The following CMSS1 variants were observed in gnomAD, a reference collection of about 807,000 sequenced individuals.
CMSS1 encodes the protein protein CMSS1.
In CMSS1, 33 loss-of-function variants were observed where a neutral mutation model predicts 43.5. The observed-to-expected ratio is 0.76, with a 90% CI of 0.57 to 1.01. CMSS1 has a LOEUF of 1.01. Among genes scored for constraint, CMSS1 ranks in the 50% least tolerant of loss-of-function variants. The pLI is 0.00. For missense variants in CMSS1, 313 were observed against 326.4 expected (o/e 0.96, Z 0.32); for synonymous variants, 115 against 117.2 (o/e 0.98, Z 0.12).
intron 1 of CMSS1, among the ~76,000 whole-genome samples, chr3:100,105,390 C>T (rs1184366307): frequency 1.3e-5 from 2 of 152,116 alleles, no homozygotes; most frequent in African/African-American, 4.8e-5. Flanking sequence ...CAGTTTGGCT[C>T]CCTGGAAGGC....
chr3:99,897,578 A>G (rs1236608548), intron 1 of CMSS1, among the ~76,000 whole-genome samples: 1 of 152,198 alleles, frequency 6.6e-6, no homozygotes, highest in African/African-American at 2.4e-5. Context: ...TATTATTGCC[A>G]AGACAATGGG....
chr3:100,041,590 AAAAAAT>A (rs1230357702), intron 1 of CMSS1, among the ~76,000 whole-genome samples: 3 of 152,210 alleles, frequency 2.0e-5, no homozygotes, highest in African/African-American at 4.8e-5. Context: ...AAGGCTACAA[AAAAAAT>A]AAAAATAAAA....
At chr3:100,108,885 T>C (rs1393306651) in intron 1 of CMSS1, among the ~76,000 whole-genome samples, 1 of 152,114 alleles carries the variant, frequency 6.6e-6, no homozygotes, top group East Asian at 1.9e-4. Flanking sequence ...AATCAGATCA[T>C]ATTCCCTTGT....
Position 99,818,048 on chromosome 3 carries a change from C to T in CMSS1, c.64+5C>T. On this transcript the variant is annotated splice_donor_5th_base_variant and intron_variant, in intron 1 of 9. Transcript: ENST00000421999. ...CTGGAGCAGGCAGCAGCCCAGGTAC[C>T]CACTCTGTGCCCGCGCTCCTACGGG... The T allele has an allele frequency of 6.2e-7, 1 of 1,613,262 alleles. No homozygotes were observed. Among genetic ancestry groups the T allele is most frequent in the Non-Finnish European group, 8.5e-7 (1 of 1,179,736 alleles).
At chr3:100,037,939 C>CTT (rs150366639) in intron 1 of CMSS1, among the ~76,000 whole-genome samples, 2,949 of 118,076 alleles carry the variant, frequency 0.025, 86 homozygotes, top group South Asian at 0.049. Context: ...AATCGCTTTT[C>CTT]TTTTTTTTTT....
chr3:99,970,991 C>T (rs1708797101), intron 1 of CMSS1, among the ~76,000 whole-genome samples: 1 of 152,156 alleles, frequency 6.6e-6, no homozygotes, highest in East Asian at 1.9e-4. Context: ...AGAGGAGGGG[C>T]TGTATTCACA....
intron 1 of CMSS1, among the ~76,000 whole-genome samples, chr3:99,983,466 A>ATGTG (rs1276688981): frequency 0.072 from 424 of 5,918 alleles, 18 homozygotes; most frequent in Middle Eastern, 0.12. Context: ...ATATGTGTGT[A>ATGTG]TATATATATA....
intron 1 of CMSS1, chr3:99,848,483 G>A: frequency 6.2e-7 from 1 of 1,614,168 alleles, no homozygotes; most frequent in Non-Finnish European, 8.5e-7. Flanking sequence ...CTTCCTAAGT[G>A]AATGTGGATT....
intron 2 of CMSS1, among the ~76,000 whole-genome samples, chr3:100,154,471 T>A (rs1027113269): frequency 6.6e-5 from 10 of 152,208 alleles, no homozygotes; most frequent in Admixed American, 4.6e-4. Context: ...TTGGTTGCTG[T>A]ACATCCTTGT....
In CMSS1 at chr3:100,160,395, A is replaced by G. The variant is rs2107525850; in HGVS notation, c.154-35A>G. 6 of 1,113,374 alleles carry G rather than the reference A, an allele frequency of 5.4e-6. No homozygotes were observed. The South Asian group carries it at 7.9e-5, about 15-fold the overall frequency. The allele number at this position is 1,113,374 out of a possible 1,614,324, so 69.0% of individuals were successfully genotyped here. On this transcript the variant is annotated intron_variant, in intron 2 of 9. Transcript: ENST00000421999. ...CCACTAATTGACACTTTATCATGAAAAGATTAAAATGTTCTCATTTGTATT... is the reference window on the plus strand; with the variant it reads ...CCACTAATTGACACTTTATCATGAAGAGATTAAAATGTTCTCATTTGTATT...
chr3:99,985,696 C>T (rs1469747039), intron 1 of CMSS1, among the ~76,000 whole-genome samples: 1 of 151,722 alleles, frequency 6.6e-6, no homozygotes, highest in African/African-American at 2.4e-5. Flanking sequence ...TCAAGCAATT[C>T]TCCTGCCTCA....
chr3:99,849,975 T>A (rs1943582171), intron 1 of CMSS1: 1 of 1,612,582 alleles, frequency 6.2e-7, no homozygotes, highest in Non-Finnish European at 8.5e-7. Flanking sequence ...ATTTGTTTTT[T>A]AAATCATCTC....
At chr3:99,916,584 A>G (rs1363371361) in intron 1 of CMSS1, among the ~76,000 whole-genome samples, 1 of 152,144 alleles carries the variant, frequency 6.6e-6, no homozygotes, top group African/African-American at 2.4e-5. Context: ...TGTGCATTAT[A>G]TAATTAGTAA....
At chr3:99,847,760 C>T (rs960359780) in intron 1 of CMSS1, among the ~76,000 whole-genome samples, 1 of 152,050 alleles carries the variant, frequency 6.6e-6, no homozygotes, top group African/African-American at 2.4e-5. Flanking sequence ...TTTATTTGAA[C>T]CACTTTTCTC....
At chr3:99,907,175 C>G (rs1422874443) in intron 1 of CMSS1, among the ~76,000 whole-genome samples, 2 of 152,148 alleles carry the variant, frequency 1.3e-5, no homozygotes, top group South Asian at 2.1e-4. Flanking sequence ...ACTCTTAATA[C>G]TTTGTCACGT....
chr3:99,877,517 CTAAAG>C (rs982585355), intron 1 of CMSS1, among the ~76,000 whole-genome samples: 1 of 152,098 alleles, frequency 6.6e-6, no homozygotes, highest in Non-Finnish European at 1.5e-5. Context: ...ACTGAGAAAC[CTAAAG>C]TAAACTCACT....
intron 1 of CMSS1, among the ~76,000 whole-genome samples, chr3:99,853,080 A>G (rs1430327236): frequency 2.6e-5 from 4 of 152,156 alleles, no homozygotes; most frequent in African/African-American, 9.7e-5. Flanking sequence ...CCCCATCCCT[A>G]TCTGAGACAC....
At chr3:99,944,254 G>A (rs1439033273) in intron 1 of CMSS1, among the ~76,000 whole-genome samples, 1 of 152,134 alleles carries the variant, frequency 6.6e-6, no homozygotes, top group African/African-American at 2.4e-5. Flanking sequence ...TTGGGATTTG[G>A]CCAAGAACCA....
intron 1 of CMSS1, among the ~76,000 whole-genome samples, chr3:100,112,986 A>G (rs2066515202): frequency 6.6e-6 from 1 of 152,224 alleles, no homozygotes; most frequent in Non-Finnish European, 1.5e-5. Flanking sequence ...ACATTGCTGT[A>G]ATTGCAATGC....
Sources: allele counts gnomAD v4.1 joint callset (sites outside exome capture counted in the v4.1 genomes callset), GRCh38; gene constraint gnomAD v4.1.1; transcripts MANE v1.5; gene names NCBI Gene and HGNC (gene_info 2026-07-23, HGNC 2026-07-21).